FANCC: variants seen among roughly 807,000 people sequenced by gnomAD.
The protein encoded by FANCC is Fanconi anemia group C protein.
In FANCC, 55 loss-of-function variants were observed where a neutral mutation model predicts 71.3. That is an observed-to-expected ratio of 0.77 (90% CI 0.62 to 0.97). FANCC has a LOEUF of 0.97. Among genes scored for constraint, FANCC ranks in the 50% least tolerant of loss-of-function variants. The probability of loss-of-function intolerance (pLI) is 0.00; values close to 1 mark genes in which losing one functional copy is unlikely to be tolerated. For missense variants in FANCC, 678 were observed against 670.9 expected, an observed-to-expected ratio of 1.01 and a Z score of -0.12; for synonymous variants, 275 against 244.9, an observed-to-expected ratio of 1.12 and a Z score of -1.15.
intron 4 of FANCC, among the ~76,000 whole-genome samples, chr9:95,175,676 C>T (rs1268048176): frequency 6.6e-6 from 1 of 152,198 alleles, no homozygotes; most frequent in African/African-American, 2.4e-5. Context: ...CTGCCAGCTG[C>T]GCTTACTGCT....
rs935080032 is a variant in FANCC at position 95,215,633 on chromosome 9, A to C, written c.345+25016T>G. Among the ~76,000 whole-genome samples the C allele has an allele frequency of 2.6e-5, 4 of 152,162 alleles. No individual in the cohort carries two copies. In the South Asian group the frequency reaches 8.3e-4, roughly 32 times the overall value. On this transcript the variant is annotated intron_variant, in intron 4 of 14. Transcript: ENST00000289081. ...TGTGATTTCTGAGGATAGGTTACAA[A>C]AGGCTATGTAGCTTCTGCCTGGTTC...
At chr9:95,133,846 A>G (rs151153827) in intron 8 of FANCC, among the ~76,000 whole-genome samples, 4 of 152,358 alleles carry the variant, frequency 2.6e-5, no homozygotes, top group Non-Finnish European at 5.9e-5. Flanking sequence ...ATGACCTTGA[A>G]TCACCAGGAA....
chr9:95,271,666 C>T (rs560884211), intron 1 of FANCC, among the ~76,000 whole-genome samples: 4 of 151,872 alleles, frequency 2.6e-5, no homozygotes, highest in South Asian at 4.2e-4. Flanking sequence ...TCGCATCCTG[C>T]AAGGAGGTGT....
chr9:95,241,822 G>A (rs1376015205), intron 3 of FANCC, among the ~76,000 whole-genome samples: 1 of 152,040 alleles, frequency 6.6e-6, no homozygotes, highest in Non-Finnish European at 1.5e-5. Flanking sequence ...ACCACACCCG[G>A]ATAATTTTTG....
intron 14 of FANCC, among the ~76,000 whole-genome samples, chr9:95,102,815 G>A (rs972512928): frequency 2.0e-5 from 3 of 152,204 alleles, no homozygotes; most frequent in Admixed American, 2.0e-4. Context: ...GGCAGCGTGG[G>A]GACGCAGAGC....
intron 6 of FANCC, among the ~76,000 whole-genome samples, chr9:95,160,492 G>T (rs1463780114): frequency 6.6e-6 from 1 of 152,144 alleles, no homozygotes; most frequent in Admixed American, 6.5e-5. Context: ...TTTTGCTTAG[G>T]ATTGTCTTGG....
intron 6 of FANCC, among the ~76,000 whole-genome samples, chr9:95,170,671 T>TGTGTGTGTGA (rs1825612195): frequency 6.6e-6 from 1 of 150,944 alleles, no homozygotes; most frequent in African/African-American, 2.5e-5. Context: ...TGTGTGTGTG[T>TGTGTGTGTGA]GTGTGTGTTG....
intron 7 of FANCC, among the ~76,000 whole-genome samples, chr9:95,139,045 C>T (rs768310726): frequency 3.9e-5 from 6 of 152,178 alleles, no homozygotes; most frequent in East Asian, 1.9e-4. Context: ...ATGAAGGAAT[C>T]GCCGAAGCAG....
chr9:95,210,812 G>T (rs1321804923), intron 4 of FANCC, among the ~76,000 whole-genome samples: 1 of 152,022 alleles, frequency 6.6e-6, no homozygotes, highest in African/African-American at 2.4e-5. Flanking sequence ...TTAACAAATG[G>T]CAATTATTAC....
chr9:95,262,367 G>C (rs1832107227), intron 1 of FANCC, among the ~76,000 whole-genome samples: 1 of 152,170 alleles, frequency 6.6e-6, no homozygotes, highest in Non-Finnish European at 1.5e-5. Flanking sequence ...AACAAAGAGG[G>C]AGGAGACGCT....
chr9:95,221,197 A>C (rs192310140), intron 4 of FANCC, among the ~76,000 whole-genome samples: 244 of 152,264 alleles, frequency 1.6e-3, no homozygotes, highest in African/African-American at 5.6e-3. Context: ...GCCTGGCGAC[A>C]GAGCATCTGA....
chr9:95,289,889 G>A (rs779281628), intron 1 of FANCC, among the ~76,000 whole-genome samples: 2 of 152,076 alleles, frequency 1.3e-5, no homozygotes, highest in Non-Finnish European at 2.9e-5. Context: ...AAACTCCTGG[G>A]CTCAAGTGAT....
chr9:95,188,615 A>T (rs1048758168), intron 4 of FANCC, among the ~76,000 whole-genome samples: 1 of 152,208 alleles, frequency 6.6e-6, no homozygotes, highest in Non-Finnish European at 1.5e-5. Flanking sequence ...CTTCCTACTC[A>T]GTAAACCTTA....
intron 6 of FANCC, among the ~76,000 whole-genome samples, chr9:95,152,713 T>A (rs1830246981): frequency 6.6e-6 from 1 of 152,172 alleles, no homozygotes; most frequent in Non-Finnish European, 1.5e-5. Context: ...AGTGGTAAAT[T>A]CTGAGATTTT....
At position 95,217,879 on chromosome 9, in the gene FANCC, G is replaced by A. The variant is rs1449126361; in HGVS notation, c.345+22770C>T. Among the ~76,000 whole-genome samples, 4 of 152,184 alleles carry A rather than the reference G, an allele frequency of 2.6e-5. No individual in the cohort carries two copies. In the East Asian group the frequency reaches 5.8e-4, roughly 22 times the overall value. On this transcript the variant is annotated intron_variant, in intron 4 of 14. Coordinates refer to ENST00000289081, the MANE Select transcript of FANCC (RefSeq NM_000136.3). The stretch of plus-strand genomic sequence containing the variant: ...CTCAGTTCATGGGGGAGAAAAAAGG[G>A]AGAAGACACAAATTCCAATGTCAGA...
At chr9:95,114,826 C>T (rs746853110) in intron 11 of FANCC, 116 bp from the exon 12 acceptor site, 180 of 849,518 alleles carry the variant, frequency 2.1e-4, no homozygotes, top group Non-Finnish European at 2.7e-4. Context: ...TTCTGGTTCA[C>T]GGAACCCAAT....
intron 1 of FANCC, among the ~76,000 whole-genome samples, chr9:95,266,746 C>T (rs558583373): frequency 6.6e-6 from 1 of 152,322 alleles, no homozygotes; most frequent in African/African-American, 2.4e-5. Context: ...TCCCACTCAT[C>T]TTTTGGGGCC....
chr9:95,288,944 A>G (rs903867164), intron 1 of FANCC, among the ~76,000 whole-genome samples: 22 of 152,116 alleles, frequency 1.4e-4, no homozygotes, highest in African/African-American at 5.3e-4. Flanking sequence ...AAAACAGACA[A>G]ACAAAAATTA....
At chr9:95,144,078 G>C (rs768964020) in intron 7 of FANCC, among the ~76,000 whole-genome samples, 3 of 151,904 alleles carry the variant, frequency 2.0e-5, no homozygotes, top group Non-Finnish European at 4.4e-5. Context: ...ACGGGTTAGA[G>C]TGCATTGGTC....
Sources: allele counts gnomAD v4.1 joint callset (sites outside exome capture counted in the v4.1 genomes callset), GRCh38; gene constraint gnomAD v4.1.1; transcripts MANE v1.5; gene names NCBI Gene and HGNC (gene_info 2026-07-23, HGNC 2026-07-21).